ACADVL: variants seen among roughly 807,000 people sequenced by gnomAD.
The protein encoded by ACADVL is very long-chain acyl-CoA dehydrogenase, mitochondrial.
In ACADVL, 73 loss-of-function variants were observed where a neutral mutation model predicts 80.4. The observed-to-expected ratio is 0.91, with a 90% confidence interval of 0.75 to 1.10. The LOEUF (loss-of-function observed/expected upper bound fraction) is 1.10, where lower values mean the gene tolerates loss of function less well. ACADVL is among the 50% of genes least tolerant of loss of function. The pLI is 0.00. For missense variants in ACADVL, 878 were observed against 858.9 expected, an observed-to-expected ratio of 1.02 and a Z score of -0.28; for synonymous variants, 392 against 326.5, an observed-to-expected ratio of 1.20 and a Z score of -2.16.
upstream of ACADVL, chr17:7,219,390 T>TG (rs545407818): frequency 4.2e-5 from 43 of 1,014,236 alleles, no homozygotes; most frequent in East Asian, 4.0e-4. Flanking sequence ...GCAGTGAATC[T>TG]GGGGGGGTCT....
chr17:7,223,999 T>C lies in ACADVL; in HGVS notation c.1364T>C (p.Leu455Pro). Residue 455 changes from leucine to proline, a missense_variant, in exon 14 of 20, where the codon CTT becomes CCT. Leu to Pro is a moderately conservative substitution (Grantham distance 98). Coordinates refer to ENST00000356839, the MANE Select transcript of ACADVL (RefSeq NM_000018.4). ...EPGVERVLRD[L>P]RIFRIFEGTN... ...GGAGTAGAGCGTGTGCTCCGAGATC[T>C]TCGCATCTTCCGGATCTTTGAGGGG... The C allele has an allele frequency of 6.2e-7, 1 of 1,614,168 alleles. No individual in the cohort carries two copies. Among genetic ancestry groups the C allele is most frequent in the South Asian group, 1.1e-5 (1 of 91,088 alleles).
intron 15 of ACADVL, 38 bp downstream of exon 15, chr17:7,224,281 T>G (rs2071369754): frequency 6.2e-7 from 1 of 1,613,338 alleles, no homozygotes; most frequent in South Asian, 1.1e-5. Flanking sequence ...GGCAGGGTGG[T>G]GTATGGCAAC....
upstream of ACADVL, chr17:7,217,613 A>G: frequency 8.3e-7 from 1 of 1,211,594 alleles, no homozygotes; most frequent in Non-Finnish European, 1.1e-6. Flanking sequence ...CGAAGAGGGA[A>G]GGGGAGAGAG....
intron 6 of ACADVL, chr17:7,221,295 C>T: frequency 1.1e-6 from 1 of 923,826 alleles, no homozygotes; most frequent in Non-Finnish European, 1.6e-6. Context: ...TTGGGGATTG[C>T]CTAACAATAG....
chr17:7,222,954 C>T, intron 10 of ACADVL, 89 bp downstream of exon 10: 1 of 1,527,106 alleles, frequency 6.5e-7, no homozygotes, highest in Non-Finnish European at 9.0e-7. Context: ...GCAGGCACTC[C>T]CTACACTAGA....
At chr17:7,218,468 G>A, upstream of ACADVL, 1 of 1,472,720 alleles carries the variant, frequency 6.8e-7, no homozygotes, top group Non-Finnish European at 9.3e-7. Flanking sequence ...ATGATCTCTG[G>A]GCTCCCAAAC....
In ACADVL at chr17:7,220,119, C is replaced by T; in HGVS notation, c.63-3C>T. The T allele has an allele frequency of 6.4e-7, 1 of 1,574,200 alleles. No individual in the cohort carries two copies. ...GCCGGCACTGAACCCCCACTCCCCA[C>T]AGCTCGCGGCTCACGGCGCTCCTGG... On this transcript the variant is annotated splice_region_variant and splice_polypyrimidine_tract_variant and intron_variant, in intron 1 of 19. Coordinates refer to ENST00000356839, the MANE Select transcript of ACADVL (RefSeq NM_000018.4).
rs755803798 is a variant in ACADVL at position 7,220,170 on chromosome 17, G to A, written c.111G>A (p.Arg37=). The A allele has an allele frequency of 5.9e-6, 9 of 1,536,838 alleles. No individual in the cohort carries two copies. Among genetic ancestry groups the A allele is most frequent in the Middle Eastern group, 2.0e-4 (1 of 4,962 alleles). ...LLGQPRPGPA[R]RPYAGGAAQL... is the part of the protein sequence containing the mutation. ...GGCAGCCCCGGCCCGGCCCTGCCCG[G>A]CGGCCCTATGCCGGGGGTGCCGCTC... Residue 37 remains arginine, a synonymous_variant, in exon 2 of 20, where the codon CGG becomes CGA. Transcript: ENST00000356839.
upstream of ACADVL, chr17:7,219,585 T>A (rs557698043): frequency 8.8e-7 from 1 of 1,132,882 alleles, no homozygotes; most frequent in South Asian, 2.2e-5. Context: ...GCCTCTGCCA[T>A]CTACCTTACA....
At position 7,223,204 on chromosome 17, in the gene ACADVL, G is replaced by T; in HGVS notation, c.1149G>T (p.Leu383=). The T allele has an allele frequency of 6.2e-7, 1 of 1,614,082 alleles. No homozygotes were observed. The highest frequency in any genetic ancestry group is 8.5e-7 in the Non-Finnish European group (1 of 1,179,942). Reference sequence around the variant, plus strand: ...ACTTTGGGCTGATCCAGGAGAAGCTGGCACGGATGGTTATGCTGCAGTATG... The same window carrying T: ...ACTTTGGGCTGATCCAGGAGAAGCTTGCACGGATGGTTATGCTGCAGTATG... The part of the protein sequence containing the change: ...IHNFGLIQEK[L]ARMVMLQYVT... The change falls in exon 11 of 20, where the codon CTG becomes CTT. Residue 383 remains leucine, a synonymous_variant. Coordinates refer to ENST00000356839, the MANE Select transcript of ACADVL (RefSeq NM_000018.4).
chr17:7,219,913 C>CCAGACGTGGGCGTG, upstream of ACADVL: 1 of 677,066 alleles, frequency 1.5e-6, no homozygotes, highest in South Asian at 2.2e-5. Flanking sequence ...GTTAGGGGCG[C>CCAGACGTGGGCGTG]CAGGACGTGG....
At position 7,224,083 on chromosome 17, in the gene ACADVL, T is replaced by A. The variant is rs202217537; in HGVS notation, c.1434+14T>A. 3,050 of 1,613,812 alleles carry A rather than the reference T, an allele frequency of 1.9e-3. 6 individuals carry two copies. Among genetic ancestry groups the A allele is most frequent in the Non-Finnish European group, 2.4e-3 (2,796 of 1,179,904 alleles). On this transcript the variant is annotated intron_variant, in intron 14 of 19. Transcript: ENST00000356839. ...CAGGGCTGTATGGTAAGACAGAGAA[T>A]TGGGTGGGGGTAGAGGTGGGGAGGA...
chr17:7,221,393 TAC>T, intron 6 of ACADVL, 143 bp from the exon 7 acceptor site: 1 of 1,410,048 alleles, frequency 7.1e-7, no homozygotes. Flanking sequence ...ACTTCTTTTC[TAC>T]ACACTGGGGA....
At chr17:7,221,326 C>T in intron 6 of ACADVL, 1 of 941,046 alleles carries the variant, frequency 1.1e-6, no homozygotes, top group Non-Finnish European at 1.6e-6. Flanking sequence ...AGCAAGTCAC[C>T]CTCCTACCTA....
At chr17:7,218,999 A>T (rs2071064693), upstream of ACADVL, 10 of 786,192 alleles carry the variant, frequency 1.3e-5, no homozygotes, top group South Asian at 1.6e-4. Flanking sequence ...CAGCACCGCC[A>T]CCATCTTGCT....
At chr17:7,217,378 G>A (rs1018364474), upstream of ACADVL, 4 of 513,924 alleles carry the variant, frequency 7.8e-6, no homozygotes, top group Non-Finnish European at 8.9e-6. Flanking sequence ...GGAGGGGAGG[G>A]GGCTTGGGGA....
chr17:7,219,451 TC>T, upstream of ACADVL: 1 of 1,027,392 alleles, frequency 9.7e-7, no homozygotes, highest in Non-Finnish European at 1.2e-6. Flanking sequence ...GGCCTACATC[TC>T]AGAAGAATAC....
upstream of ACADVL, chr17:7,219,091 C>T (rs1326945382): frequency 8.6e-6 from 5 of 584,730 alleles, no homozygotes; most frequent in Non-Finnish European, 1.5e-5. Context: ...AGGGCCTCCT[C>T]ACAGAGGGCT....
chr17:7,220,042 G>A lies in ACADVL; in HGVS notation c.58G>A (p.Gly20Arg). ...LGRQLLRLGG[G>R]SSRLTALLGQ... ...GCGGCAGCTGCTGAGGCTCGGGGGCGGAAGGTCTGTGTGTGACAAGAGGGA... is the reference window on the plus strand; with the variant it reads ...GCGGCAGCTGCTGAGGCTCGGGGGCAGAAGGTCTGTGTGTGACAAGAGGGA... The change falls in exon 1 of 20, where the codon GGA (glycine) becomes AGA (arginine). Residue 20 changes from glycine (G) to arginine (R), a missense_variant. By Grantham distance (125) the Gly-to-Arg change is moderately radical. Coordinates refer to ENST00000356839, the MANE Select transcript of ACADVL (RefSeq NM_000018.4). 1.2e-6 allele frequency: 2 copies of A among 1,603,752 alleles called. No homozygotes were observed. The highest frequency in any genetic ancestry group is 1.7e-6 in the Non-Finnish European group (2 of 1,178,816).
Sources: gnomAD v4.1 joint callset for allele counts on GRCh38, gnomAD v4.1.1 for gene constraint, MANE v1.5 for transcripts, NCBI Gene and HGNC (gene_info 2026-07-23, HGNC 2026-07-21) for gene names.